Variants in BLTP3A observed in about 807,000 individuals in gnomAD.
BLTP3A encodes ICBP90 binding protein 1.
chr6:34,827,086 G>C, the BLTP3A span, among the ~76,000 whole-genome samples: 193 of 152,302 alleles, frequency 1.3e-3, no homozygotes, highest in African/African-American at 4.2e-3. Context: ...GCCAAGGCGG[G>C]TGGATCACGA....
the BLTP3A span, chr6:34,872,417 T>G: frequency 6.2e-7 from 1 of 1,611,426 alleles, no homozygotes; most frequent in South Asian, 1.1e-5. Flanking sequence ...TTAGGAAATA[T>G]AACCCCTTCT....
chr6:34,800,544 G>A, the BLTP3A span, among the ~76,000 whole-genome samples: 1 of 152,086 alleles, frequency 6.6e-6, no homozygotes. Flanking sequence ...TCTTTAAGGG[G>A]CCTTTTAACT....
At chr6:34,856,816 C>T in the BLTP3A span, 5 of 1,613,986 alleles carry the variant, frequency 3.1e-6, no homozygotes, top group South Asian at 5.5e-5. Flanking sequence ...TCGAAAGAAC[C>T]CTCTTGAGAG....
the BLTP3A span, chr6:34,873,138 T>A: frequency 6.6e-6 from 1 of 152,256 alleles, no homozygotes; most frequent in South Asian, 2.1e-4. Context: ...CAGTAGTGGC[T>A]CAGTCATTTA....
the BLTP3A span, chr6:34,870,780 A>C: frequency 1.3e-6 from 2 of 1,524,376 alleles, no homozygotes; most frequent in Admixed American, 2.0e-5. Context: ...GGTTATTATG[A>C]ATATTGGTAT....
At chr6:34,798,182 G>T in the BLTP3A span, among the ~76,000 whole-genome samples, 44 of 152,208 alleles carry the variant, frequency 2.9e-4, no homozygotes, top group East Asian at 7.7e-3. Context: ...GGCTTCTTTA[G>T]TGCAAGATTT....
the BLTP3A span, among the ~76,000 whole-genome samples, chr6:34,868,049 G>A: frequency 6.6e-6 from 1 of 152,210 alleles, no homozygotes; most frequent in Non-Finnish European, 1.5e-5. Context: ...GCTCATGCCT[G>A]TAATCCCAGC....
At chr6:34,848,948 G>A in the BLTP3A span, among the ~76,000 whole-genome samples, 1 of 101,488 alleles carries the variant, frequency 9.9e-6, no homozygotes, top group African/African-American at 4.3e-5. Flanking sequence ...TTAATTTCTT[G>A]CATTTTTTTT....
At chr6:34,793,214 C>T in the BLTP3A span, among the ~76,000 whole-genome samples, 22 of 152,262 alleles carry the variant, frequency 1.4e-4, no homozygotes, top group South Asian at 8.3e-4. Context: ...CCCCGTGTTG[C>T]GATTGCAGGT....
At chr6:34,846,088 C>A in the BLTP3A span, among the ~76,000 whole-genome samples, 3 of 97,894 alleles carry the variant, frequency 3.1e-5, no homozygotes, top group Non-Finnish European at 6.5e-5. Context: ...CCCTCCCCTC[C>A]CCTCCCCTCC....
At chr6:34,814,575 GT>G in the BLTP3A span, among the ~76,000 whole-genome samples, 2 of 152,168 alleles carry the variant, frequency 1.3e-5, no homozygotes, top group Non-Finnish European at 2.9e-5. Context: ...ACTCTTGGTT[GT>G]TTAGTGCTGT....
At chr6:34,839,858 C>T in the BLTP3A span, among the ~76,000 whole-genome samples, 4 of 152,258 alleles carry the variant, frequency 2.6e-5, no homozygotes, top group Admixed American at 6.5e-5. Flanking sequence ...GTCTGCCAGA[C>T]GGCCAGTCTC....
At chr6:34,819,837 A>G in the BLTP3A span, among the ~76,000 whole-genome samples, 1 of 152,150 alleles carries the variant, frequency 6.6e-6, no homozygotes, top group Non-Finnish European at 1.5e-5. Context: ...GGCCTGTGTG[A>G]ATATTTTATT....
the BLTP3A span, among the ~76,000 whole-genome samples, chr6:34,862,984 C>T: frequency 6.6e-6 from 1 of 151,442 alleles, no homozygotes; most frequent in Non-Finnish European, 1.5e-5. Context: ...TCTCGGCTCA[C>T]TGCTGCCTCG....
At chr6:34,872,184 T>A in the BLTP3A span, 1 of 1,156,400 alleles carries the variant, frequency 8.6e-7, no homozygotes, top group Non-Finnish European at 1.2e-6. Flanking sequence ...AGAAAAGATA[T>A]GGTTATCTTA....
At chr6:34,806,904 C>T in the BLTP3A span, among the ~76,000 whole-genome samples, 2 of 152,204 alleles carry the variant, frequency 1.3e-5, no homozygotes, top group African/African-American at 4.8e-5. Context: ...AAGTGATCCA[C>T]CTGCCTCGGC....
At chr6:34,825,684 C>T in the BLTP3A span, among the ~76,000 whole-genome samples, 1 of 152,182 alleles carries the variant, frequency 6.6e-6, no homozygotes, top group Non-Finnish European at 1.5e-5. Context: ...CCAGAGGCCT[C>T]ATCTCTAAAA....
chr6:34,792,345 C>T, the BLTP3A span: 7 of 1,460,676 alleles, frequency 4.8e-6, no homozygotes, highest in Middle Eastern at 3.6e-4. Context: ...TCCTAACCCT[C>T]TCCGACCTCC....
chr6:34,861,391 G>T, the BLTP3A span, among the ~76,000 whole-genome samples: 1 of 152,184 alleles, frequency 6.6e-6, no homozygotes. Flanking sequence ...CTCCCAAAAT[G>T]CTGGGATTAC....
Sources: allele counts gnomAD v4.1 joint callset (sites outside exome capture counted in the v4.1 genomes callset), GRCh38; gene constraint gnomAD v4.1.1; transcripts MANE v1.5; gene names NCBI Gene and HGNC (gene_info 2026-07-23, HGNC 2026-07-21).